The following CLPSL1 variants were observed in gnomAD, a reference collection of about 807,000 sequenced individuals.
CLPSL1 encodes colipase like 1.
In CLPSL1, 13 loss-of-function variants were observed where a neutral mutation model predicts 9.3. The ratio of observed to expected loss-of-function variants is 1.40; its 90% confidence interval spans 0.91 to 2.22. The LOEUF is 2.22. Among genes scored for constraint, CLPSL1 ranks in the 30% most tolerant of loss-of-function variants. The pLI, the probability that CLPSL1 is intolerant of heterozygous loss-of-function variation, is 0.00. For missense variants in CLPSL1, 164 were observed against 146.6 expected (o/e 1.12, Z -0.61); for synonymous variants, 58 against 56.9 (o/e 1.02, Z -0.08).
At chr6:35,782,405 C>T (rs1455465665) in intron 1 of CLPSL1, among the ~76,000 whole-genome samples, 6 of 152,200 alleles carry the variant, frequency 3.9e-5, no homozygotes, top group African/African-American at 1.2e-4. Context: ...TAGCAGTGAA[C>T]GTGAGAGCAG....
intron 1 of CLPSL1, among the ~76,000 whole-genome samples, chr6:35,786,551 C>G (rs1768076219): frequency 1.3e-5 from 2 of 152,082 alleles, no homozygotes. Context: ...TGGCTGTGAT[C>G]AATAATGTTA....
chr6:35,785,220 C>G (rs1581952375), intron 1 of CLPSL1, among the ~76,000 whole-genome samples: 1 of 148,720 alleles, frequency 6.7e-6, no homozygotes, highest in East Asian at 2.0e-4. Flanking sequence ...CTTTGTCACC[C>G]AGGCTGGAGT....
chr6:35,790,389 G>A (rs1045503422), downstream of CLPSL1, among the ~76,000 whole-genome samples: 5 of 152,258 alleles, frequency 3.3e-5, no homozygotes, highest in African/African-American at 1.2e-4. Flanking sequence ...TTGCTGACAT[G>A]ACTAAACTGG....
chr6:35,793,286 G>C (rs374528678), intron 1 of CLPSL1, among the ~76,000 whole-genome samples: 1 of 152,242 alleles, frequency 6.6e-6, no homozygotes, highest in Admixed American at 6.5e-5. Context: ...TCAGCCAGGC[G>C]TGGTGGCAGG....
At chr6:35,785,946 C>A (rs74857524) in intron 1 of CLPSL1, among the ~76,000 whole-genome samples, 538 of 110,624 alleles carry the variant, frequency 4.9e-3, no homozygotes, top group African/African-American at 5.9e-3. Context: ...GAGACTTTGT[C>A]AAAAAAAAAA....
At chr6:35,786,738 C>T (rs1768080049) in intron 1 of CLPSL1, among the ~76,000 whole-genome samples, 1 of 152,242 alleles carries the variant, frequency 6.6e-6, no homozygotes, top group Non-Finnish European at 1.5e-5. Flanking sequence ...GTCTAGACCA[C>T]TCTGGTGTGT....
downstream of CLPSL1, among the ~76,000 whole-genome samples, chr6:35,788,750 C>T (rs536411153): frequency 1.8e-4 from 27 of 152,316 alleles, no homozygotes; most frequent in African/African-American, 5.5e-4. Flanking sequence ...ACTGGAGCAG[C>T]GACTGTGGTG....
At chr6:35,786,267 A>G (rs1034993382) in intron 1 of CLPSL1, among the ~76,000 whole-genome samples, 3 of 152,196 alleles carry the variant, frequency 2.0e-5, no homozygotes, top group Non-Finnish European at 2.9e-5. Flanking sequence ...AAAAGAAGAA[A>G]AGAAAATTTA....
chr6:35,782,485 G>A (rs1767984554), intron 1 of CLPSL1, among the ~76,000 whole-genome samples: 1 of 152,230 alleles, frequency 6.6e-6, no homozygotes, highest in Admixed American at 6.5e-5. Context: ...TAAATAAGAT[G>A]ATTTCAGAGA....
chr6:35,793,721 CAT>C (rs1768269985), downstream of CLPSL1: 3 of 399,836 alleles, frequency 7.5e-6, no homozygotes, highest in Admixed American at 3.0e-5. Flanking sequence ...AATCCTAACT[CAT>C]AAGCCTGTGG....
intron 1 of CLPSL1, among the ~76,000 whole-genome samples, chr6:35,781,435 G>T (rs1156740394): frequency 6.6e-6 from 1 of 152,132 alleles, no homozygotes; most frequent in East Asian, 1.9e-4. Context: ...ATGTGAGAGA[G>T]CCCCCCTGCC....
downstream of CLPSL1, chr6:35,788,196 G>A (rs1768126960): frequency 3.9e-5 from 24 of 609,026 alleles, no homozygotes; most frequent in South Asian, 3.5e-4. Context: ...GGCTGGGGTG[G>A]GCATGGTACA....
At chr6:35,781,269 T>TG in intron 1 of CLPSL1, 60 bp downstream of exon 1, 1 of 1,584,980 alleles carries the variant, frequency 6.3e-7, no homozygotes, top group Non-Finnish European at 8.6e-7. Context: ...CTGTACTATT[T>TG]GGGGAGGTGA....
rs371335450 is a variant in CLPSL1, at chr6:35,787,883, A to G, written c.239A>G (p.Tyr80Cys). ...LCQTQVFFGQYRACPCLRNLT... is the reference protein window; with the variant it reads ...LCQTQVFFGQCRACPCLRNLT... ...CTTTCCCAGGTGTTCTTTGGCCAAT[A>G]TAGAGCGTGTCCCTGCCTGCGGAAC... The change falls in exon 3 of 3, where the codon TAT (tyrosine) becomes TGT (cysteine). Residue 80 changes from tyrosine to cysteine, a missense_variant. Transcript: ENST00000373861. 36 of 1,608,210 alleles carry G rather than the reference A, an allele frequency of 2.2e-5. No homozygotes were observed. The highest frequency in any genetic ancestry group is 2.9e-5 in the Non-Finnish European group (34 of 1,175,050).
intron 2 of CLPSL1, 128 bp downstream of exon 2, chr6:35,787,248 TG>T: frequency 8.6e-7 from 1 of 1,159,102 alleles, no homozygotes; most frequent in Non-Finnish European, 1.2e-6. Flanking sequence ...AATTCCCCCG[TG>T]GGACTGCACC....
exon 2 of CLPSL1, chr6:35,793,509 C>A: frequency 2.1e-6 from 1 of 471,690 alleles, no homozygotes; most frequent in Non-Finnish European, 4.4e-6. Context: ...TCCATGCTTC[C>A]TGCCTTCGAA....
At chr6:35,792,028 G>T (rs9470099), downstream of CLPSL1, among the ~76,000 whole-genome samples, 31,864 of 147,608 alleles carry the variant, frequency 0.22, 841 homozygotes, top group African/African-American at 0.36. Context: ...AGAGGCTGCA[G>T]TGAGCCGAGA....
chr6:35,792,232 C>G (rs1444874707), downstream of CLPSL1, among the ~76,000 whole-genome samples: 1 of 152,126 alleles, frequency 6.6e-6, no homozygotes, highest in African/African-American at 2.4e-5. Flanking sequence ...CATGATCATG[C>G]CACTGCATTC....
At chr6:35,782,983 A>G (rs1322020573) in intron 1 of CLPSL1, among the ~76,000 whole-genome samples, 1 of 152,200 alleles carries the variant, frequency 6.6e-6, no homozygotes, top group East Asian at 1.9e-4. Context: ...TGTGGTAAAA[A>G]TCACACCTTA....
Sources: allele counts gnomAD v4.1 joint callset (sites outside exome capture counted in the v4.1 genomes callset), GRCh38; gene constraint gnomAD v4.1.1; transcripts MANE v1.5; gene names NCBI Gene and HGNC (gene_info 2026-07-23, HGNC 2026-07-21).